Variants in BBS9 observed in about 807,000 individuals in gnomAD.
BBS9 encodes protein PTHB1.
Under a neutral mutation model 117.7 loss-of-function variants are expected in BBS9, and 89 were observed. The observed-to-expected ratio is 0.76, with a 90% CI of 0.64 to 0.90. The LOEUF (loss-of-function observed/expected upper bound fraction) is 0.90, where lower values mean the gene tolerates loss of function less well. BBS9 is among the 40% of genes least tolerant of loss of function. BBS9 has a pLI of 0.00. For synonymous variants in BBS9, 379 were observed against 370.9 expected (o/e 1.02, Z -0.25); for missense variants, 982 against 1,042.2 (o/e 0.94, Z 0.80).
intron 5 of BBS9, among the ~76,000 whole-genome samples, chr7:33,235,498 A>G (rs1793309111): frequency 2.0e-5 from 3 of 152,172 alleles, no homozygotes; most frequent in African/African-American, 7.2e-5. Context: ...TTGACTGCCC[A>G]TTGTGCACTA....
chr7:33,569,982 T>C (rs2700692), intron 21 of BBS9, among the ~76,000 whole-genome samples: 44,258 of 152,058 alleles, frequency 0.29, 10,166 homozygotes, highest in African/African-American at 0.63. Flanking sequence ...GCTGATTATG[T>C]AGGTAATACA....
At chr7:33,422,142 G>A (rs1832943958) in intron 19 of BBS9, among the ~76,000 whole-genome samples, 2 of 152,134 alleles carry the variant, frequency 1.3e-5, no homozygotes, top group African/African-American at 4.8e-5. Flanking sequence ...TAAATTGTAT[G>A]TACGGTTATA....
At chr7:33,450,092 T>G (rs148413818) in intron 19 of BBS9, among the ~76,000 whole-genome samples, 18 of 152,324 alleles carry the variant, frequency 1.2e-4, no homozygotes, top group African/African-American at 4.1e-4. Flanking sequence ...TTTTGACCAC[T>G]TTAGATACCT....
chr7:33,154,845 T>A (rs985578477), intron 3 of BBS9, among the ~76,000 whole-genome samples: 3 of 152,230 alleles, frequency 2.0e-5, no homozygotes, highest in Non-Finnish European at 4.4e-5. Context: ...TAAAACCCAA[T>A]GCTTTCTGGC....
At chr7:33,546,757 A>G (rs1395610693) in intron 21 of BBS9, among the ~76,000 whole-genome samples, 1 of 152,198 alleles carries the variant, frequency 6.6e-6, no homozygotes, top group African/African-American at 2.4e-5. Flanking sequence ...CCCAGCTGAA[A>G]TGATGTTCCA....
chr7:33,465,045 T>A (rs1584922818), intron 19 of BBS9, among the ~76,000 whole-genome samples: 1 of 151,968 alleles, frequency 6.6e-6, no homozygotes, highest in African/African-American at 2.4e-5. Context: ...GGTACGTCAG[T>A]TAATCAGATA....
At chr7:33,228,154 T>C (rs1046003775) in intron 5 of BBS9, among the ~76,000 whole-genome samples, 1 of 152,186 alleles carries the variant, frequency 6.6e-6, no homozygotes, top group African/African-American at 2.4e-5. Flanking sequence ...TTTTTGGCTT[T>C]TTAATTGTGG....
intron 9 of BBS9, among the ~76,000 whole-genome samples, chr7:33,283,432 T>A (rs1455027220): frequency 6.6e-6 from 1 of 152,194 alleles, no homozygotes; most frequent in Non-Finnish European, 1.5e-5. Context: ...CTATTTTGAT[T>A]TTTGTGATTT....
intron 1 of BBS9, among the ~76,000 whole-genome samples, chr7:33,133,940 T>A (rs1790024192): frequency 6.6e-6 from 1 of 152,236 alleles, no homozygotes; most frequent in African/African-American, 2.4e-5. Flanking sequence ...AGGGCTCTGA[T>A]TTCTTTACAT....
At chr7:33,561,862 G>A (rs1307161541) in intron 21 of BBS9, among the ~76,000 whole-genome samples, 2 of 152,258 alleles carry the variant, frequency 1.3e-5, no homozygotes, top group Non-Finnish European at 1.5e-5. Context: ...TGTAATACAA[G>A]TACAGCAGTA....
chr7:33,579,725 A>G (rs1859550846), intron 21 of BBS9, among the ~76,000 whole-genome samples: 1 of 152,180 alleles, frequency 6.6e-6, no homozygotes, highest in Admixed American at 6.6e-5. Context: ...TCAGCCAAGC[A>G]TTTCAAGACA....
chr7:33,283,415 GTTCT>G (rs1395987055), intron 9 of BBS9, among the ~76,000 whole-genome samples: 4 of 151,610 alleles, frequency 2.6e-5, no homozygotes, highest in Non-Finnish European at 5.9e-5. Flanking sequence ...GTATATATTT[GTTCT>G]TTCTATTTTG....
intron 5 of BBS9, among the ~76,000 whole-genome samples, chr7:33,245,666 A>T (rs1795220626): frequency 6.6e-6 from 1 of 152,108 alleles, no homozygotes; most frequent in African/African-American, 2.4e-5. Flanking sequence ...GGTCCTCTTG[A>T]TGGTAATTGA....
At chr7:33,381,876 G>A (rs2128744902) in intron 17 of BBS9, among the ~76,000 whole-genome samples, 1 of 152,286 alleles carries the variant, frequency 6.6e-6, no homozygotes, top group Admixed American at 6.5e-5. Flanking sequence ...CTAGGGATGA[G>A]AGGAGATATA....
chr7:33,435,230 G>A (rs1253134008), intron 19 of BBS9, among the ~76,000 whole-genome samples: 2 of 152,110 alleles, frequency 1.3e-5, no homozygotes, highest in African/African-American at 4.8e-5. Context: ...GAAAAAGGAA[G>A]CATAGGGATT....
intron 1 of BBS9, among the ~76,000 whole-genome samples, chr7:33,139,466 A>G (rs904578527): frequency 1.3e-5 from 2 of 150,636 alleles, no homozygotes; most frequent in South Asian, 4.2e-4. Context: ...GAAAAAATTT[A>G]TTGACTCACA....
intron 5 of BBS9, among the ~76,000 whole-genome samples, chr7:33,207,814 CT>C (rs200036128): frequency 2.2e-4 from 32 of 148,580 alleles, no homozygotes; most frequent in Admixed American, 2.7e-4. Flanking sequence ...ATAGATATAA[CT>C]TTTTTTTTTT....
At chr7:33,452,845 A>G (rs189948108) in intron 19 of BBS9, among the ~76,000 whole-genome samples, 1 of 152,308 alleles carries the variant, frequency 6.6e-6, no homozygotes, top group Non-Finnish European at 1.5e-5. Flanking sequence ...AGTTATAGCC[A>G]TGTAGTATGG....
chr7:33,192,830 G>A (rs1376767587), intron 5 of BBS9, among the ~76,000 whole-genome samples: 2 of 152,184 alleles, frequency 1.3e-5, no homozygotes, highest in Admixed American at 1.3e-4. Context: ...AAGAACAGAG[G>A]AGCAGAAGAG....
Sources: gnomAD v4.1 joint callset for allele counts (sites outside exome capture counted in the v4.1 genomes callset) on GRCh38, gnomAD v4.1.1 for gene constraint, MANE v1.5 for transcripts, NCBI Gene and HGNC (gene_info 2026-07-23, HGNC 2026-07-21) for gene names.